Variants in ZSWIM6 observed in about 807,000 individuals in gnomAD.
ZSWIM6 encodes zinc finger SWIM domain-containing protein 6.
In ZSWIM6, 9 loss-of-function variants were observed where a neutral mutation model predicts 113.2. That is an observed-to-expected ratio of 0.08 (90% CI 0.05 to 0.14). The LOEUF (loss-of-function observed/expected upper bound fraction) is 0.14. ZSWIM6 is among the 10% of genes least tolerant of loss of function. The pLI is 1.00. For missense variants in ZSWIM6, 1,162 were observed against 1,552.2 expected (o/e 0.75, Z 4.22); for synonymous variants, 611 against 606.5 (o/e 1.01, Z -0.11).
chr5:61,464,156 T>G (rs949434844), intron 1 of ZSWIM6, among the ~76,000 whole-genome samples: 5 of 124,012 alleles, frequency 4.0e-5, no homozygotes, highest in African/African-American at 1.6e-4. Context: ...CACACCCGGC[T>G]AATTTTTTTT....
At chr5:61,402,601 A>C in intron 1 of ZSWIM6, among the ~76,000 whole-genome samples, 1 of 152,078 alleles carries the variant, frequency 6.6e-6, no homozygotes, top group South Asian at 2.1e-4. Context: ...TTTAATGACT[A>C]ACTTTCTTCA....
At chr5:61,391,156 T>C in intron 1 of ZSWIM6, 2 of 792,158 alleles carry the variant, frequency 2.5e-6, no homozygotes, top group Non-Finnish European at 4.6e-6. Flanking sequence ...GTGGGGTAGC[T>C]TCTTGGTGTG....
At chr5:61,523,453 T>G (rs1219534645) in intron 5 of ZSWIM6, among the ~76,000 whole-genome samples, 1 of 152,200 alleles carries the variant, frequency 6.6e-6, no homozygotes, top group East Asian at 1.9e-4. Context: ...TATAGCCAAT[T>G]TTATAATTTT....
chr5:61,455,773 A>T (rs1747194119), intron 1 of ZSWIM6, among the ~76,000 whole-genome samples: 1 of 151,806 alleles, frequency 6.6e-6, no homozygotes, highest in Non-Finnish European at 1.5e-5. Context: ...AGCAAGTGTT[A>T]AGTTAGATTC....
At chr5:61,531,888 A>G (rs1210885749) in intron 9 of ZSWIM6, among the ~76,000 whole-genome samples, 163 bp downstream of exon 9, 1 of 152,214 alleles carries the variant, frequency 6.6e-6, no homozygotes, top group African/African-American at 2.4e-5. Context: ...AAATAGTGTC[A>G]CTGAATAAAA....
At chr5:61,347,966 A>T (rs1744697696) in intron 1 of ZSWIM6, among the ~76,000 whole-genome samples, 1 of 152,230 alleles carries the variant, frequency 6.6e-6, no homozygotes, top group Non-Finnish European at 1.5e-5. Context: ...TCACGCCTGT[A>T]ATCCCAGCAC....
intron 1 of ZSWIM6, among the ~76,000 whole-genome samples, chr5:61,425,785 A>G (rs1380734160): frequency 6.6e-6 from 1 of 152,234 alleles, no homozygotes; most frequent in African/African-American, 2.4e-5. Flanking sequence ...CACTGGGCTT[A>G]TAAAAGGGAT....
In ZSWIM6 at chr5:61,472,385, G is replaced by A. The variant is rs1048468635; in HGVS notation, c.677-296G>A. Among the ~76,000 whole-genome samples the A allele has an allele frequency of 6.6e-6, 1 of 152,184 alleles. No homozygotes were observed. Among genetic ancestry groups the A allele is most frequent in the Non-Finnish European group, 1.5e-5 (1 of 68,042 alleles). The stretch of plus-strand genomic sequence containing the variant: ...AGAGCAGAGTAATGATGGCCTCTTA[G>A]TGCGTGATCTAACCACTTCCTATAG... On this transcript the variant is annotated intron_variant, in intron 1 of 13. Transcript: ENST00000252744. This position sits in a 1 kb window ranked among gnomAD's most constrained non-coding sequence, Gnocchi z 4.1.
intron 1 of ZSWIM6, among the ~76,000 whole-genome samples, chr5:61,452,765 T>C (rs892054169): frequency 1.3e-5 from 2 of 152,214 alleles, no homozygotes; most frequent in Admixed American, 1.3e-4. Flanking sequence ...CAGACTTTAT[T>C]CAGATTTCCC....
chr5:61,461,926 T>C (rs150502901), intron 1 of ZSWIM6, among the ~76,000 whole-genome samples: 1 of 152,350 alleles, frequency 6.6e-6, no homozygotes, highest in East Asian at 1.9e-4. Context: ...TTCATCATTA[T>C]GTATTTAAGA....
At chr5:61,430,629 C>CCATT (rs1209098328) in intron 1 of ZSWIM6, among the ~76,000 whole-genome samples, 114 of 152,232 alleles carry the variant, frequency 7.5e-4, no homozygotes, top group African/African-American at 2.5e-3. Context: ...GCAGGGCTGA[C>CCATT]TGCAGGAACT....
intron 1 of ZSWIM6, among the ~76,000 whole-genome samples, chr5:61,420,952 C>T (rs533091932): frequency 3.4e-4 from 52 of 150,860 alleles, no homozygotes; most frequent in African/African-American, 1.3e-3. Flanking sequence ...TGGAGTCTTG[C>T]TCTGTCACCC....
intron 4 of ZSWIM6, among the ~76,000 whole-genome samples, chr5:61,516,720 T>TTTGATAAA (rs1041606072): frequency 6.6e-6 from 1 of 151,874 alleles, no homozygotes; most frequent in African/African-American, 2.4e-5. Context: ...ATAATCTATT[T>TTTGATAAA]ACTGAGATAT....
intron 1 of ZSWIM6, among the ~76,000 whole-genome samples, chr5:61,381,181 A>C (rs1404004967): frequency 6.6e-6 from 1 of 152,172 alleles, no homozygotes; most frequent in Non-Finnish European, 1.5e-5. Context: ...TGAATCCGGG[A>C]GGTAGAGGCT....
intron 1 of ZSWIM6, among the ~76,000 whole-genome samples, chr5:61,430,202 G>A (rs941063509): frequency 6.6e-6 from 1 of 152,118 alleles, no homozygotes; most frequent in Non-Finnish European, 1.5e-5. Flanking sequence ...GGTGGGAGGT[G>A]GCCTGAGGAG....
chr5:61,522,981 G>C (rs183983121), intron 5 of ZSWIM6, among the ~76,000 whole-genome samples: 2 of 152,334 alleles, frequency 1.3e-5, no homozygotes, highest in Admixed American at 1.3e-4. Flanking sequence ...AAATGGTCCA[G>C]CCTCCAGACT....
chr5:61,538,668 C>T lies in ZSWIM6; in HGVS notation c.2382-146C>T. The T allele has an allele frequency of 3.6e-6, 3 of 824,030 alleles. No individual in the cohort carries two copies. In the South Asian group the frequency reaches 6.7e-5, roughly 18 times the overall value. 51.0% of individuals were successfully genotyped at this position (824,030 alleles called of 1,614,324 possible). On this transcript the variant is annotated intron_variant, in intron 10 of 13. Coordinates refer to ENST00000252744, the MANE Select transcript of ZSWIM6 (RefSeq NM_020928.2). ...ATCTAGGTATTTTGCACCCACACAGCAGAGTATAGCTGTACCAGCCCTTGC... is the reference window on the plus strand; with the variant it reads ...ATCTAGGTATTTTGCACCCACACAGTAGAGTATAGCTGTACCAGCCCTTGC...
intron 1 of ZSWIM6, among the ~76,000 whole-genome samples, chr5:61,452,568 T>C (rs1280818618): frequency 6.6e-6 from 1 of 152,200 alleles, no homozygotes; most frequent in Non-Finnish European, 1.5e-5. Context: ...CATATCAAGA[T>C]TGTCTCTTTT....
At chr5:61,523,035 T>G (rs1749174186) in intron 5 of ZSWIM6, among the ~76,000 whole-genome samples, 1 of 152,202 alleles carries the variant, frequency 6.6e-6, no homozygotes, top group African/African-American at 2.4e-5. Context: ...GTGATACAAT[T>G]TGGGACCTTG....
Sources: gnomAD v4.1 joint callset for allele counts (sites outside exome capture counted in the v4.1 genomes callset) on GRCh38, gnomAD v4.1.1 for gene constraint, Gnocchi (gnomAD v3.1) non-coding constraint, MANE v1.5 for transcripts, NCBI Gene and HGNC (gene_info 2026-07-23, HGNC 2026-07-21) for gene names.